SYNPR: variants seen among roughly 807,000 people sequenced by gnomAD.
SYNPR encodes the protein synaptoporin.
A neutral mutation model predicts 32.9 loss-of-function variants in SYNPR; 23 were observed. The ratio of observed to expected loss-of-function variants is 0.70; its 90% CI spans 0.50 to 0.99. The LOEUF is 0.99. SYNPR is among the 50% of genes least tolerant of loss of function. The pLI is 0.00. For synonymous variants in SYNPR, 146 were observed against 135.9 expected (o/e 1.07, Z -0.52); for missense variants, 318 against 349.3 (o/e 0.91, Z 0.71).
At chr3:63,353,581 G>A (rs986680035) in intron 2 of SYNPR, among the ~76,000 whole-genome samples, 6 of 152,254 alleles carry the variant, frequency 3.9e-5, no homozygotes, top group South Asian at 4.1e-4. Flanking sequence ...CAGATCAGTC[G>A]GATGATTCAG....
chr3:63,316,036 C>G (rs946994882), intron 2 of SYNPR, among the ~76,000 whole-genome samples: 4 of 151,934 alleles, frequency 2.6e-5, no homozygotes, highest in African/African-American at 9.7e-5. Context: ...TGTGGTGTAT[C>G]ACATTTATTG....
At chr3:63,561,825 G>A (rs566541985) in intron 4 of SYNPR, among the ~76,000 whole-genome samples, 3 of 152,128 alleles carry the variant, frequency 2.0e-5, no homozygotes, top group Non-Finnish European at 4.4e-5. Flanking sequence ...AAGCAGTTGT[G>A]AGCAATTTCA....
intron 2 of SYNPR, among the ~76,000 whole-genome samples, chr3:63,316,970 A>T (rs1293957095): frequency 6.6e-6 from 1 of 151,886 alleles, no homozygotes; most frequent in Non-Finnish European, 1.5e-5. Context: ...TTAAATTTCC[A>T]TCTTGATTTC....
At chr3:63,226,899 A>G (rs1031040688), upstream of SYNPR, among the ~76,000 whole-genome samples, 1 of 152,224 alleles carries the variant, frequency 6.6e-6, no homozygotes, top group Non-Finnish European at 1.5e-5. Flanking sequence ...AATACTCAAG[A>G]TAATGTATTC....
chr3:63,303,691 TTC>T (rs2086879950), intron 2 of SYNPR, among the ~76,000 whole-genome samples: 1 of 152,072 alleles, frequency 6.6e-6, no homozygotes, highest in African/African-American at 2.4e-5. Flanking sequence ...CATAGATTTA[TTC>T]TGACTATGAA....
chr3:63,441,168 C>A (rs1349245267), intron 2 of SYNPR, among the ~76,000 whole-genome samples: 2 of 152,054 alleles, frequency 1.3e-5, no homozygotes, highest in Admixed American at 6.6e-5. Context: ...TTCACCTATA[C>A]CCTGGAATAA....
At chr3:63,298,825 T>G (rs545913815) in intron 2 of SYNPR, among the ~76,000 whole-genome samples, 1 of 152,304 alleles carries the variant, frequency 6.6e-6, no homozygotes, top group African/African-American at 2.4e-5. Flanking sequence ...CAACTGGCTC[T>G]TAATCCCATT....
intron 2 of SYNPR, among the ~76,000 whole-genome samples, chr3:63,301,300 G>T (rs2086842719): frequency 6.6e-6 from 1 of 152,100 alleles, no homozygotes. Context: ...CTAATATAGG[G>T]TGGGCCCTCA....
At chr3:63,255,984 T>A (rs1360985602) in intron 2 of SYNPR, among the ~76,000 whole-genome samples, 4 of 152,084 alleles carry the variant, frequency 2.6e-5, no homozygotes, top group Non-Finnish European at 5.9e-5. Context: ...AGCACAGCAG[T>A]CTGAGATCAA....
rs538837461 is a variant in SYNPR, at chr3:63,387,992, G to A, written c.85-92840G>A. On this transcript the variant is annotated intron_variant, in intron 2 of 5. Transcript: ENST00000478300. ...ATGGGAGCAGGCTGGGGCAGAGGAA[G>A]AAGGTGAGCCACAGCATAGTCACAG... Among the ~76,000 whole-genome samples, 3 of 152,310 alleles carry A rather than the reference G, an allele frequency of 2.0e-5. No individual in the cohort carries two copies. In the East Asian group the frequency reaches 5.8e-4, roughly 29 times the overall value.
At chr3:63,534,276 T>G (rs1334165404) in intron 3 of SYNPR, among the ~76,000 whole-genome samples, 1 of 152,158 alleles carries the variant, frequency 6.6e-6, no homozygotes, top group East Asian at 1.9e-4. Flanking sequence ...AACATTAAGG[T>G]AACTGAATTT....
chr3:63,552,659 ATAGTCCC>A (rs1259979068), intron 3 of SYNPR, among the ~76,000 whole-genome samples: 2 of 152,202 alleles, frequency 1.3e-5, no homozygotes, highest in African/African-American at 4.8e-5. Context: ...CATTTTAAAC[ATAGTCCC>A]TAGTAATTCT....
chr3:63,502,387 T>G (rs1296728929), intron 3 of SYNPR, among the ~76,000 whole-genome samples: 1 of 152,070 alleles, frequency 6.6e-6, no homozygotes, highest in African/African-American at 2.4e-5. Flanking sequence ...GAACCTACAC[T>G]GACACATCAT....
At chr3:63,594,116 T>C (rs969406124) in intron 4 of SYNPR, among the ~76,000 whole-genome samples, 1 of 152,238 alleles carries the variant, frequency 6.6e-6, no homozygotes. Context: ...TAACAGCTAC[T>C]TCGCAGGGTT....
At chr3:63,508,397 T>A (rs1168291453) in intron 3 of SYNPR, among the ~76,000 whole-genome samples, 1 of 152,076 alleles carries the variant, frequency 6.6e-6, no homozygotes, top group Admixed American at 6.5e-5. Context: ...TAAGAAGTGA[T>A]AAGTGCCAGG....
At chr3:63,255,178 G>A (rs1043162688) in intron 2 of SYNPR, among the ~76,000 whole-genome samples, 16 of 152,010 alleles carry the variant, frequency 1.1e-4, no homozygotes, top group East Asian at 1.9e-4. Context: ...CTGGGGAGGC[G>A]GTCAAATAAC....
rs1701034612 is a variant in SYNPR at position 63,480,920 on chromosome 3, A to G, written c.173A>G (p.Asn58Ser). Residue 58 changes from asparagine to serine, a missense_variant, in exon 3 of 6, where the codon AAC becomes AGC. By Grantham distance (46) the Asn-to-Ser change is conservative. Coordinates refer to ENST00000478300, the MANE Select transcript of SYNPR (RefSeq NM_001130003.2). ...GACTGCGTCAACAAGACAGAAAGTA[A>G]CCTCAGCATCGACATAGCGTTTGCC... ...SVDCVNKTES[N>S]LSIDIAFAYP... 6.2e-7 allele frequency: 1 copy of G among 1,613,428 alleles called. No homozygotes were observed. Among genetic ancestry groups the G allele is most frequent in the Non-Finnish European group, 8.5e-7 (1 of 1,179,508 alleles).
chr3:63,430,789 TGG>T (rs1464365610), intron 2 of SYNPR, among the ~76,000 whole-genome samples: 1 of 152,128 alleles, frequency 6.6e-6, no homozygotes, highest in Non-Finnish European at 1.5e-5. Context: ...TTCTGAAGAA[TGG>T]GGATAACTTC....
At chr3:63,370,244 T>C (rs1188125574) in intron 2 of SYNPR, among the ~76,000 whole-genome samples, 1 of 152,186 alleles carries the variant, frequency 6.6e-6, no homozygotes, top group Non-Finnish European at 1.5e-5. Flanking sequence ...CTCTGCCCTG[T>C]GGAAGATGTT....
Sources: allele counts gnomAD v4.1 joint callset (sites outside exome capture counted in the v4.1 genomes callset), GRCh38; gene constraint gnomAD v4.1.1; transcripts MANE v1.5; gene names NCBI Gene and HGNC (gene_info 2026-07-23, HGNC 2026-07-21).